Variants in UBAC2 observed in about 807,000 individuals in gnomAD.
UBAC2 encodes the protein ubiquitin-associated domain-containing protein 2.
Under a neutral mutation model 44.0 loss-of-function variants are expected in UBAC2, and 26 were observed. That is an observed-to-expected ratio of 0.59 (90% CI 0.43 to 0.82). The LOEUF is 0.82. Among genes scored for constraint, UBAC2 ranks in the 40% least tolerant of loss-of-function variants. The probability of loss-of-function intolerance (pLI) is 0.00; values close to 1 mark genes in which losing one functional copy is unlikely to be tolerated. For synonymous variants in UBAC2, 155 were observed against 154.3 expected (o/e 1.00, Z -0.04); for missense variants, 329 against 419.4 (o/e 0.78, Z 1.88).
chr13:99,214,346 A>C (rs527875447), intron 1 of UBAC2, among the ~76,000 whole-genome samples: 4 of 151,344 alleles, frequency 2.6e-5, no homozygotes, highest in African/African-American at 9.7e-5. Flanking sequence ...CTGGATTCCT[A>C]AGTACCTAGT....
intron 1 of UBAC2, among the ~76,000 whole-genome samples, chr13:99,213,465 A>G (rs946121163): frequency 6.6e-6 from 1 of 151,798 alleles, no homozygotes; most frequent in Non-Finnish European, 1.5e-5. Flanking sequence ...GGTTCAAGTG[A>G]TTCTCCTGCC....
At chr13:99,275,058 C>T (rs1246006152) in intron 4 of UBAC2, among the ~76,000 whole-genome samples, 1 of 152,192 alleles carries the variant, frequency 6.6e-6, no homozygotes, top group Non-Finnish European at 1.5e-5. Context: ...TATATGTATG[C>T]ATTTCTGCTG....
rs1453870422 is a variant in UBAC2 at position 99,203,869 on chromosome 13, G to C, written c.31+2930G>C. Among the ~76,000 whole-genome samples, 3 of 152,190 alleles carry C rather than the reference G, an allele frequency of 2.0e-5. No homozygotes were observed. The East Asian group carries it at 5.8e-4, about 29-fold the overall frequency. ...AAAACTCTTCATTTTGAAGAAAGGG[G>C]ACAGCAATACAGTTTCAGACACAAT... is the stretch of plus-strand genomic sequence containing the variant. On this transcript the variant is annotated intron_variant, in intron 1 of 8. Coordinates refer to ENST00000403766, the MANE Select transcript of UBAC2 (RefSeq NM_001144072.2).
intron 4 of UBAC2, among the ~76,000 whole-genome samples, chr13:99,257,306 T>A (rs780633917): frequency 7.9e-5 from 12 of 152,226 alleles, no homozygotes; most frequent in Non-Finnish European, 1.6e-4. Flanking sequence ...TCTTGGAGGC[T>A]TAAATCTTAT....
rs2043392255 is a variant in UBAC2 at position 99,247,041 on chromosome 13, G to T, written c.389+2417G>T. ...GGTAGAGAAAAGGTTTTGCTATGTT[G>T]TCTAGGCTGGTCTTGAATTCCTGGG... On this transcript the variant is annotated intron_variant, in intron 4 of 8. Coordinates refer to ENST00000403766, the MANE Select transcript of UBAC2 (RefSeq NM_001144072.2). 2.0e-5 allele frequency among the ~76,000 whole-genome samples: 3 copies of T among 152,110 alleles called. No individual in the cohort carries two copies. In the South Asian group the frequency reaches 6.2e-4, roughly 32 times the overall value.
At chr13:99,270,780 A>G (rs1211923547) in intron 4 of UBAC2, among the ~76,000 whole-genome samples, 2 of 152,254 alleles carry the variant, frequency 1.3e-5, no homozygotes, top group Non-Finnish European at 2.9e-5. Context: ...CTAATCTTTT[A>G]TGGTAAATTA....
intron 6 of UBAC2, among the ~76,000 whole-genome samples, chr13:99,319,049 A>C (rs2044534234): frequency 6.6e-6 from 1 of 152,156 alleles, no homozygotes; most frequent in South Asian, 2.1e-4. Context: ...GGAAAAAAAT[A>C]ATGCCAACTG....
intron 7 of UBAC2, among the ~76,000 whole-genome samples, chr13:99,364,195 G>A (rs908235737): frequency 1.3e-5 from 2 of 151,238 alleles, no homozygotes; most frequent in African/African-American, 4.9e-5. Flanking sequence ...TGCAAGAATT[G>A]GTAATAGGCA....
intron 7 of UBAC2, among the ~76,000 whole-genome samples, chr13:99,341,792 A>G (rs746791766): frequency 6.6e-6 from 1 of 152,216 alleles, no homozygotes; most frequent in Non-Finnish European, 1.5e-5. Context: ...AATCAGAATG[A>G]TCAAGGTCAG....
chr13:99,256,403 A>C (rs1409287094), intron 4 of UBAC2: 2 of 152,284 alleles, frequency 1.3e-5, no homozygotes, highest in Non-Finnish European at 2.9e-5. Context: ...CAAGAACTAG[A>C]CTGTTAGAGC....
chr13:99,383,091 T>C (rs2045571815), intron 8 of UBAC2, among the ~76,000 whole-genome samples: 1 of 152,218 alleles, frequency 6.6e-6, no homozygotes, highest in South Asian at 2.1e-4. Context: ...CTCAGCCACC[T>C]GGCAGTGAGG....
intron 4 of UBAC2, among the ~76,000 whole-genome samples, chr13:99,253,702 T>C (rs1389991105): frequency 6.6e-6 from 1 of 152,048 alleles, no homozygotes; most frequent in Non-Finnish European, 1.5e-5. Context: ...TTAGTAGAGA[T>C]GAGGTTTCAC....
At chr13:99,254,534 A>T (rs944659586) in intron 4 of UBAC2, among the ~76,000 whole-genome samples, 1 of 152,174 alleles carries the variant, frequency 6.6e-6, no homozygotes, top group South Asian at 2.1e-4. Context: ...TGCAAATTAG[A>T]CCTAAGGGAG....
At chr13:99,228,946 G>A (rs978713243) in intron 1 of UBAC2, among the ~76,000 whole-genome samples, 1 of 152,198 alleles carries the variant, frequency 6.6e-6, no homozygotes, top group African/African-American at 2.4e-5. Flanking sequence ...AACTGTAACT[G>A]GTAAATTCGC....
chr13:99,383,475 G>A (rs570075590), intron 8 of UBAC2, among the ~76,000 whole-genome samples: 12 of 152,158 alleles, frequency 7.9e-5, no homozygotes, highest in Admixed American at 5.2e-4. Flanking sequence ...TTTGCTCTAC[G>A]CTGTCCACCA....
intron 4 of UBAC2, among the ~76,000 whole-genome samples, chr13:99,259,556 C>T (rs532289512): frequency 6.6e-6 from 1 of 152,232 alleles, no homozygotes; most frequent in African/African-American, 2.4e-5. Flanking sequence ...AAGGTAAAGC[C>T]AGGTCCAGTT....
At chr13:99,239,822 C>T (rs953682852) in intron 2 of UBAC2, among the ~76,000 whole-genome samples, 1 of 152,174 alleles carries the variant, frequency 6.6e-6, no homozygotes, top group Non-Finnish European at 1.5e-5. Flanking sequence ...TCTAAACACA[C>T]GCATACACAT....
At chr13:99,208,151 C>G (rs926077935) in intron 1 of UBAC2, among the ~76,000 whole-genome samples, 1 of 152,056 alleles carries the variant, frequency 6.6e-6, no homozygotes, top group South Asian at 2.1e-4. Context: ...GCGTGTACCA[C>G]CACGCCTGGC....
chr13:99,318,640 GA>G (rs769377006), intron 6 of UBAC2, among the ~76,000 whole-genome samples: 1 of 150,948 alleles, frequency 6.6e-6, no homozygotes, highest in African/African-American at 2.4e-5. Flanking sequence ...CTGACATGAT[GA>G]AACCCCATCT....
Sources: allele counts gnomAD v4.1 joint callset (sites outside exome capture counted in the v4.1 genomes callset), GRCh38; gene constraint gnomAD v4.1.1; transcripts MANE v1.5; gene names NCBI Gene and HGNC (gene_info 2026-07-23, HGNC 2026-07-21).